ELF2: variants seen among roughly 807,000 people sequenced by gnomAD.
The protein encoded by ELF2 is E74 like ETS transcription factor 2.
Under a neutral mutation model 54.8 loss-of-function variants are expected in ELF2, and 11 were observed. The observed-to-expected ratio is 0.20, with a 90% CI of 0.13 to 0.33. The LOEUF (loss-of-function observed/expected upper bound fraction) is 0.33. Ranked by LOEUF, ELF2 falls within the 10% of genes least tolerant of loss-of-function variation. The pLI is 1.00. For synonymous variants in ELF2, 203 were observed against 245.1 expected, an observed-to-expected ratio of 0.83 and a Z score of 1.61; for missense variants, 513 against 703.0, an observed-to-expected ratio of 0.73 and a Z score of 3.06.
intron 4 of ELF2, among the ~76,000 whole-genome samples, chr4:139,091,239 T>C (rs891792098): frequency 1.6e-4 from 24 of 152,252 alleles, no homozygotes; most frequent in African/African-American, 5.8e-4. Context: ...CTTCTTATAG[T>C]ATATGTTAAA....
chr4:139,137,550 T>C, intron 3 of ELF2, 80 bp downstream of exon 3: 1 of 1,335,082 alleles, frequency 7.5e-7, no homozygotes, highest in Non-Finnish European at 1.1e-6. Context: ...CTCTCAAATA[T>C]GTTTCCTATT....
chr4:139,153,008 G>C (rs955945182), intron 1 of ELF2, among the ~76,000 whole-genome samples: 4 of 143,632 alleles, frequency 2.8e-5, no homozygotes. Flanking sequence ...ATACATTTTT[G>C]TAGTTATTGA....
intron 4 of ELF2, among the ~76,000 whole-genome samples, chr4:139,074,010 C>T (rs372580078): frequency 6.6e-6 from 1 of 152,136 alleles, no homozygotes; most frequent in Non-Finnish European, 1.5e-5. Context: ...TGCCTGTAAT[C>T]CCAGCTACTC....
At chr4:139,145,719 T>C (rs1005560701) in intron 1 of ELF2, among the ~76,000 whole-genome samples, 1 of 152,148 alleles carries the variant, frequency 6.6e-6, no homozygotes, top group African/African-American at 2.4e-5. Flanking sequence ...ATCCCAGGAA[T>C]GCAGGGATGG....
At chr4:139,130,376 A>G (rs1737370493) in intron 3 of ELF2, among the ~76,000 whole-genome samples, 1 of 152,292 alleles carries the variant, frequency 6.6e-6, no homozygotes, top group South Asian at 2.1e-4. Context: ...TACCACCTTT[A>G]TATCTTATTT....
intron 8 of ELF2, 123 bp from the exon 9 acceptor site, chr4:139,060,797 T>A (rs1727722436): frequency 2.4e-6 from 2 of 834,592 alleles, no homozygotes; most frequent in Admixed American, 6.1e-5. Context: ...TAATAACAGA[T>A]GAGAAAAAAA....
chr4:139,067,835 A>G, intron 6 of ELF2, 65 bp from the exon 7 acceptor site: 1 of 1,438,192 alleles, frequency 7.0e-7, no homozygotes, highest in Non-Finnish European at 9.5e-7. Context: ...CACGATTAGC[A>G]GACTTTCTGA....
chr4:139,177,373 G>A (rs1385479237), upstream of ELF2, among the ~76,000 whole-genome samples: 1 of 151,832 alleles, frequency 6.6e-6, no homozygotes, highest in African/African-American at 2.4e-5. Flanking sequence ...CGCGGCGGGG[G>A]GGCGGGGGCG....
chr4:139,112,471 T>G (rs1177431205), intron 4 of ELF2, among the ~76,000 whole-genome samples: 1 of 152,240 alleles, frequency 6.6e-6, no homozygotes, highest in Non-Finnish European at 1.5e-5. Flanking sequence ...ACATTGCAGG[T>G]CCTCAGTAAG....
upstream of ELF2, among the ~76,000 whole-genome samples, chr4:139,177,898 C>G (rs1271609746): frequency 6.6e-6 from 1 of 152,138 alleles, no homozygotes; most frequent in Non-Finnish European, 1.5e-5. Flanking sequence ...ACTCCTCAGC[C>G]TTGGCTTAGT....
In ELF2 at chr4:139,154,179, G is replaced by A. The variant is rs1361112437; in HGVS notation, c.-251-14682C>T. Among the ~76,000 whole-genome samples the A allele has an allele frequency of 1.6e-4, 25 of 152,042 alleles. No individual in the cohort carries two copies. In the East Asian group the frequency reaches 4.1e-3, roughly 25 times the overall value. On this transcript the variant is annotated intron_variant, in intron 1 of 9. Transcript: ENST00000686138. Reference sequence around the variant, plus strand: ...ATGATTTAAGAGTTAAAAGTCTATCGGCCACTGTATCTTCAGAACACAATA... The same window carrying A: ...ATGATTTAAGAGTTAAAAGTCTATCAGCCACTGTATCTTCAGAACACAATA...
intron 3 of ELF2, among the ~76,000 whole-genome samples, chr4:139,136,481 A>G (rs1158460782): frequency 1.3e-5 from 2 of 149,120 alleles, no homozygotes; most frequent in Non-Finnish European, 3.0e-5. Context: ...TTTCTCAAAC[A>G]TGCCATTATA....
At chr4:139,140,975 C>T (rs1273142344) in intron 1 of ELF2, among the ~76,000 whole-genome samples, 1 of 152,040 alleles carries the variant, frequency 6.6e-6, no homozygotes, top group African/African-American at 2.4e-5. Context: ...TTGTAGAATC[C>T]AATGGATACA....
chr4:139,132,068 A>G (rs1230998593), intron 3 of ELF2, among the ~76,000 whole-genome samples: 1 of 152,206 alleles, frequency 6.6e-6, no homozygotes, highest in Non-Finnish European at 1.5e-5. Context: ...CTGGTGAAAG[A>G]GAGGTGAGCA....
In ELF2 at chr4:139,071,862, C is replaced by T; in HGVS notation, c.526+4G>A. The T allele has an allele frequency of 6.3e-7, 1 of 1,580,986 alleles. No individual in the cohort carries two copies. The highest frequency in any genetic ancestry group is 8.5e-7 in the Non-Finnish European group (1 of 1,171,916). ...CTTCTCAGAAATGTATAAATATACT[C>T]TACCTTTTTTCTTTTTCATTGGTTC... On this transcript the variant is annotated splice_donor_region_variant and intron_variant, in intron 6 of 9. Coordinates refer to ENST00000686138, the MANE Select transcript of ELF2 (RefSeq NM_001331036.3).
At chr4:139,059,834 T>G (rs1245980380) in intron 9 of ELF2, among the ~76,000 whole-genome samples, 1 of 152,004 alleles carries the variant, frequency 6.6e-6, no homozygotes, top group Non-Finnish European at 1.5e-5. Flanking sequence ...CAATTCAGGT[T>G]ATTTAAGACA....
At chr4:139,076,582 T>C (rs1446092368) in intron 4 of ELF2, among the ~76,000 whole-genome samples, 2 of 152,312 alleles carry the variant, frequency 1.3e-5, no homozygotes, top group African/African-American at 2.4e-5. Flanking sequence ...CCTTATGTAA[T>C]TGTATTAAGA....
chr4:139,142,917 AT>A (rs1738856709), intron 1 of ELF2, among the ~76,000 whole-genome samples: 1 of 152,088 alleles, frequency 6.6e-6, no homozygotes, highest in Non-Finnish European at 1.5e-5. Context: ...AGATAAAAGG[AT>A]GACATTTGCA....
chr4:139,087,543 G>A (rs1732110830), intron 4 of ELF2, among the ~76,000 whole-genome samples: 1 of 152,164 alleles, frequency 6.6e-6, no homozygotes, highest in African/African-American at 2.4e-5. Flanking sequence ...TCGGCTCACT[G>A]CAAGCTCCGC....
Sources: allele counts gnomAD v4.1 joint callset (sites outside exome capture counted in the v4.1 genomes callset), GRCh38; gene constraint gnomAD v4.1.1; transcripts MANE v1.5; gene names NCBI Gene and HGNC (gene_info 2026-07-23, HGNC 2026-07-21).